The following ZNF236 variants were observed in gnomAD, a reference collection of about 807,000 sequenced individuals.
The protein encoded by ZNF236 is regulated by glucose.
ZNF236 carries 50 observed loss-of-function variants against 191.2 expected under a neutral mutation model. The ratio of observed to expected loss-of-function variants is 0.26; its 90% confidence interval spans 0.21 to 0.33. The LOEUF (loss-of-function observed/expected upper bound fraction) is 0.33. Among genes scored for constraint, ZNF236 ranks in the 10% least tolerant of loss-of-function variants. The pLI, the probability that ZNF236 is intolerant of heterozygous loss-of-function variation, is 1.00. For synonymous variants in ZNF236, 907 were observed against 928.8 expected, an observed-to-expected ratio of 0.98 and a Z score of 0.43; for missense variants, 1,754 against 2,374.5, an observed-to-expected ratio of 0.74 and a Z score of 5.43.
At position 76,842,826 on chromosome 18, in the gene ZNF236, A is replaced by T. The variant is rs543575066; in HGVS notation, c.56-6700A>T. Among the ~76,000 whole-genome samples the T allele has an allele frequency of 2.0e-5, 3 of 152,308 alleles. No homozygotes were observed. In the South Asian group the frequency reaches 6.2e-4, roughly 32 times the overall value. On this transcript the variant is annotated intron_variant, in intron 1 of 30. Transcript: ENST00000320610. ...AATACAGGTTAGGGATGAATTTTCCATATGAGTTACATTTCATTTCCATTT... is the reference window on the plus strand; with the variant it reads ...AATACAGGTTAGGGATGAATTTTCCTTATGAGTTACATTTCATTTCCATTT...
chr18:76,847,650 T>C (rs1599326652), intron 1 of ZNF236, among the ~76,000 whole-genome samples: 2 of 151,998 alleles, frequency 1.3e-5, no homozygotes, highest in South Asian at 2.1e-4. Flanking sequence ...TGTGTGTCTT[T>C]AGTAGAGACA....
intron 15 of ZNF236, 25 bp downstream of exon 15, chr18:76,910,194 T>C (rs1489159315): frequency 6.4e-7 from 1 of 1,574,588 alleles, no homozygotes; most frequent in Non-Finnish European, 8.7e-7. Flanking sequence ...TTCAATGAAA[T>C]TTGTAAGTGA....
At chr18:76,870,859 A>C (rs1207318176) in intron 4 of ZNF236, among the ~76,000 whole-genome samples, 1 of 152,126 alleles carries the variant, frequency 6.6e-6, no homozygotes, top group African/African-American at 2.4e-5. Flanking sequence ...GCGGATGTGC[A>C]TTTCCCATGA....
intron 9 of ZNF236, chr18:76,884,868 G>A (rs186703991): frequency 7.1e-4 from 108 of 152,296 alleles, no homozygotes; most frequent in African/African-American, 2.5e-3. Flanking sequence ...TTGCGTAAAA[G>A]CTAAGTGCAG....
At chr18:76,869,098 G>A (rs1039331285) in intron 4 of ZNF236, among the ~76,000 whole-genome samples, 18 of 152,216 alleles carry the variant, frequency 1.2e-4, no homozygotes, top group Admixed American at 3.3e-4. Flanking sequence ...GTTGAAAGCT[G>A]TAGAACAGGA....
At chr18:76,936,124 C>T in intron 25 of ZNF236, 1 of 454,236 alleles carries the variant, frequency 2.2e-6, no homozygotes, top group South Asian at 1.6e-5. Context: ...TGATGTGACC[C>T]AAGTCACAGC....
At chr18:76,955,386 C>T (rs1968499651) in intron 27 of ZNF236, among the ~76,000 whole-genome samples, 1 of 152,118 alleles carries the variant, frequency 6.6e-6, no homozygotes, top group South Asian at 2.1e-4. Flanking sequence ...CACTGAACTC[C>T]AGCCTGGGCA....
At position 76,972,112 on chromosome 18, in the gene ZNF236, G is replaced by A. The variant is rs1306780588; in HGVS notation, c.*3773G>A. On this transcript the variant is annotated 3_prime_UTR_variant, in exon 31 of 31. Transcript: ENST00000320610. Reference sequence around the variant, plus strand: ...TAACTTAGGCACTTTGGATTTTTTAGAATGAAATTTCAAAAGCGCCTACAC... The same window carrying A: ...TAACTTAGGCACTTTGGATTTTTTAAAATGAAATTTCAAAAGCGCCTACAC... 2.6e-5 allele frequency among the ~76,000 whole-genome samples: 4 copies of A among 152,162 alleles called. No homozygotes were observed. The highest frequency in any genetic ancestry group is 5.9e-5 in the Non-Finnish European group (4 of 68,020).
intron 12 of ZNF236, 111 bp from the exon 13 acceptor site, chr18:76,905,044 C>A: frequency 8.4e-7 from 1 of 1,194,314 alleles, no homozygotes; most frequent in Non-Finnish European, 1.1e-6. Context: ...TGCTGCTTAG[C>A]TTTAAAAAAT....
Position 76,895,274 on chromosome 18 carries a change from G to A in ZNF236, c.1679G>A (p.Arg560His), listed in dbSNP as rs1462994618. ...STSGSLKVHI[R>H]LHTGVRPFAC... ...TCTGGCAGCCTCAAGGTGCACATTC[G>A]CCTGCACACAGGTATGGCCTCAGGG... Residue 560 changes from arginine to histidine, a missense_variant, in exon 10 of 31, where the codon CGC becomes CAC. Transcript: ENST00000320610. The A allele has an allele frequency of 3.1e-6, 5 of 1,599,312 alleles. No homozygotes were observed. The highest frequency in any genetic ancestry group is 2.7e-5 in the African/African-American group (2 of 74,932).
At chr18:76,878,248 T>C (rs1409483738) in intron 7 of ZNF236, 96 bp downstream of exon 7, 10 of 1,250,504 alleles carry the variant, frequency 8.0e-6, no homozygotes, top group Non-Finnish European at 9.5e-6. Flanking sequence ...AAAAAGGTGC[T>C]ATGAAAATTT....
intron 11 of ZNF236, among the ~76,000 whole-genome samples, chr18:76,902,818 C>T (rs560120038): frequency 8.6e-5 from 13 of 151,000 alleles, no homozygotes; most frequent in East Asian, 3.9e-4. Context: ...CTCAAACTCC[C>T]GACCTCAGGT....
intron 9 of ZNF236, among the ~76,000 whole-genome samples, chr18:76,894,257 C>T (rs1180602988): frequency 6.6e-6 from 1 of 152,160 alleles, no homozygotes; most frequent in Non-Finnish European, 1.5e-5. Context: ...TTTCACCTTC[C>T]ACTGTCCTGC....
chr18:76,823,519 A>T (rs1974927384), intron 1 of ZNF236, among the ~76,000 whole-genome samples: 2 of 150,630 alleles, frequency 1.3e-5, no homozygotes, highest in South Asian at 2.1e-4. Context: ...CATCAGTGTT[A>T]TGTGGGGAGC....
At chr18:76,847,550 C>T (rs543347269) in intron 1 of ZNF236, among the ~76,000 whole-genome samples, 4 of 152,254 alleles carry the variant, frequency 2.6e-5, no homozygotes, top group South Asian at 2.1e-4. Flanking sequence ...ACTGCAAGCT[C>T]GGCCTCCCAG....
intron 1 of ZNF236, chr18:76,824,528 T>C (rs1235620062): frequency 1.3e-6 from 1 of 761,940 alleles, no homozygotes; most frequent in South Asian, 1.4e-5. Flanking sequence ...CTTGACCTTA[T>C]TTCGTTAGTT....
At chr18:76,942,062 C>T (rs955488497) in intron 26 of ZNF236, among the ~76,000 whole-genome samples, 2 of 152,094 alleles carry the variant, frequency 1.3e-5, no homozygotes, top group African/African-American at 2.4e-5. Context: ...TAAATTTGAC[C>T]TGAAAATTAG....
chr18:76,916,786 C>A (rs1269893660), intron 19 of ZNF236, among the ~76,000 whole-genome samples: 1 of 152,172 alleles, frequency 6.6e-6, no homozygotes, highest in Non-Finnish European at 1.5e-5. Flanking sequence ...CCTGTCCTGG[C>A]ACAGTTGGTG....
In ZNF236 at chr18:76,972,481, T is replaced by C. The variant is rs1968921457; in HGVS notation, c.*4142T>C. ...CACACTCACCCACACACCCTCACAC[T>C]CACCCTCCCTACACAGGCATCGGGG... is the stretch of plus-strand genomic sequence containing the variant. On this transcript the variant is annotated 3_prime_UTR_variant, in exon 31 of 31. Transcript: ENST00000320610. Among the ~76,000 whole-genome samples, 2 of 151,640 alleles carry C rather than the reference T, an allele frequency of 1.3e-5. No homozygotes were observed. The highest frequency in any genetic ancestry group is 1.3e-4 in the Admixed American group (2 of 15,232).
Sources: allele counts gnomAD v4.1 joint callset (sites outside exome capture counted in the v4.1 genomes callset), GRCh38; gene constraint gnomAD v4.1.1; transcripts MANE v1.5; gene names NCBI Gene and HGNC (gene_info 2026-07-23, HGNC 2026-07-21).